Variants in MTUS2 observed in about 807,000 individuals in gnomAD.
MTUS2 encodes microtubule associated scaffold protein 2, also known as microtubule-associated tumor suppressor candidate 2.
A neutral mutation model predicts 114.1 loss-of-function variants in MTUS2; 40 were observed. That is an observed-to-expected ratio of 0.35 (90% CI 0.27 to 0.46). MTUS2 has a LOEUF of 0.46. MTUS2 is among the 20% of genes least tolerant of loss of function. The pLI is 1.00. For synonymous variants in MTUS2, 688 were observed against 672.0 expected (o/e 1.02, Z -0.37); for missense variants, 1,679 against 1,705.4 (o/e 0.98, Z 0.27).
chr13:29,253,434 A>T (rs959132290), intron 5 of MTUS2, among the ~76,000 whole-genome samples: 1 of 152,054 alleles, frequency 6.6e-6, no homozygotes. Flanking sequence ...TCAAAAAAAA[A>T]ATTAAAAATA....
At chr13:28,836,729 G>C (rs769837622) in intron 1 of MTUS2, among the ~76,000 whole-genome samples, 4 of 152,168 alleles carry the variant, frequency 2.6e-5, no homozygotes, top group Non-Finnish European at 4.4e-5. Context: ...CAACAGCACT[G>C]CCCAGGAGAT....
At chr13:29,223,894 T>C (rs1052815990) in intron 5 of MTUS2, among the ~76,000 whole-genome samples, 20 of 152,334 alleles carry the variant, frequency 1.3e-4, no homozygotes, top group Non-Finnish European at 1.9e-4. Context: ...GTGCCAGCCA[T>C]GAAAGCTGCT....
chr13:29,079,521 T>C (rs1889348388), intron 4 of MTUS2, among the ~76,000 whole-genome samples: 1 of 152,222 alleles, frequency 6.6e-6, no homozygotes. Context: ...TACCTATTTT[T>C]CCCCAAGAGT....
rs1883087543 is a variant in MTUS2 at position 29,504,202 on chromosome 13, C to T, written c.*996C>T. The T allele has an allele frequency of 1.3e-5, 3 of 232,306 alleles. No homozygotes were observed. Among genetic ancestry groups the T allele is most frequent in the Non-Finnish European group, 2.6e-5 (3 of 117,346 alleles). 14.4% of individuals were successfully genotyped at this position (232,306 alleles called of 1,614,324 possible). A position where few individuals can be genotyped will look rare whatever the true frequency, so the allele number is the denominator to read the frequency against. On this transcript the variant is annotated 3_prime_UTR_variant, in exon 16 of 16. Coordinates refer to ENST00000612955, the MANE Select transcript of MTUS2 (RefSeq NM_001033602.4). Reference sequence around the variant, plus strand: ...ATTGCTGCCAAGGTCTGTATTTTGACCAGGCACAGAGGGGGAACATCACTC... The same window carrying T: ...ATTGCTGCCAAGGTCTGTATTTTGATCAGGCACAGAGGGGGAACATCACTC...
At chr13:29,376,332 T>C (rs563664162) in intron 8 of MTUS2, among the ~76,000 whole-genome samples, 1 of 152,288 alleles carries the variant, frequency 6.6e-6, no homozygotes, top group Admixed American at 6.5e-5. Context: ...CCACTTGTGG[T>C]GGTTAGATAT....
At chr13:29,389,435 G>A (rs1872991575) in intron 8 of MTUS2, among the ~76,000 whole-genome samples, 1 of 51,892 alleles carries the variant, frequency 1.9e-5, no homozygotes, top group African/African-American at 5.4e-5. Context: ...ATACACGTGT[G>A]TGTATGTGTA....
At chr13:28,934,975 C>T (rs569067285) in intron 2 of MTUS2, among the ~76,000 whole-genome samples, 8 of 146,922 alleles carry the variant, frequency 5.4e-5, no homozygotes, top group Non-Finnish European at 1.0e-4. Flanking sequence ...CCTTTCCACC[C>T]GTAGGTGACC....
At chr13:29,306,109 G>T (rs879478878) in intron 6 of MTUS2, among the ~76,000 whole-genome samples, 1 of 152,064 alleles carries the variant, frequency 6.6e-6, no homozygotes, top group Admixed American at 6.5e-5. Flanking sequence ...AAAAACTCTC[G>T]ATAAACTAGG....
chr13:29,498,472 G>T lies in MTUS2; in HGVS notation c.3733G>T (p.Val1245Leu). 1 of 1,614,184 alleles carries T rather than the reference G, an allele frequency of 6.2e-7. No individual in the cohort carries two copies. The highest frequency in any genetic ancestry group is 2.2e-5 in the East Asian group (1 of 44,880). The change falls in exon 14 of 16, where the codon GTA becomes TTA. Residue 1245 changes from valine to leucine, a missense_variant. Coordinates refer to ENST00000612955, the MANE Select transcript of MTUS2 (RefSeq NM_001033602.4). ...AGAAGACATGAAGAGTCTGAAGCAG[G>T]TATTAGAAATGAAGAATCAGCAAAT... ...LEEDMKSLKQVLEMKNQQIHE... is the reference protein window; with the variant it reads ...LEEDMKSLKQLLEMKNQQIHE...
chr13:28,894,351 TGAGAGTGA>T (rs1296583719), intron 2 of MTUS2, among the ~76,000 whole-genome samples: 2 of 42,394 alleles, frequency 4.7e-5, no homozygotes, highest in African/African-American at 1.1e-4. Context: ...AGAGAGAGAG[TGAGAGTGA>T]GAGAGAGAGA....
chr13:29,111,339 T>C (rs1241184142), intron 5 of MTUS2, among the ~76,000 whole-genome samples: 1 of 152,144 alleles, frequency 6.6e-6, no homozygotes, highest in Non-Finnish European at 1.5e-5. Flanking sequence ...ACTGCCTTGC[T>C]TTTTTCTGTA....
At chr13:29,126,979 A>G (rs1383028564) in intron 5 of MTUS2, among the ~76,000 whole-genome samples, 1 of 152,332 alleles carries the variant, frequency 6.6e-6, no homozygotes, top group Non-Finnish European at 1.5e-5. Flanking sequence ...GTCAGTGTTC[A>G]GTGCTCTGAT....
intron 5 of MTUS2, among the ~76,000 whole-genome samples, chr13:29,279,726 A>G (rs1784081838): frequency 1.3e-5 from 2 of 152,196 alleles, no homozygotes; most frequent in African/African-American, 4.8e-5. Context: ...TAGTTCCCTG[A>G]TACTTGTACT....
chr13:29,302,603 T>A (rs527658052), intron 6 of MTUS2, among the ~76,000 whole-genome samples: 121 of 152,272 alleles, frequency 7.9e-4, no homozygotes, highest in Middle Eastern at 6.8e-3. Context: ...AACTTAAGAA[T>A]CACTAGCTTA....
At chr13:28,965,072 G>C (rs1003836359) in intron 2 of MTUS2, among the ~76,000 whole-genome samples, 1 of 152,166 alleles carries the variant, frequency 6.6e-6, no homozygotes, top group African/African-American at 2.4e-5. Flanking sequence ...ATAGTGGAGA[G>C]AGTCTCTTGT....
chr13:29,086,777 T>C (rs1889710637), intron 4 of MTUS2, among the ~76,000 whole-genome samples: 1 of 152,218 alleles, frequency 6.6e-6, no homozygotes, highest in African/African-American at 2.4e-5. Flanking sequence ...TCCATTTCTT[T>C]GTGTCATCTA....
chr13:28,932,093 CAT>C (rs1881649084), intron 2 of MTUS2, among the ~76,000 whole-genome samples: 1 of 152,162 alleles, frequency 6.6e-6, no homozygotes, highest in South Asian at 2.1e-4. Context: ...GTCAAGGAAT[CAT>C]AAGTCATTTT....
chr13:29,031,202 A>G (rs2138509484), intron 3 of MTUS2, among the ~76,000 whole-genome samples: 2 of 135,888 alleles, frequency 1.5e-5, no homozygotes, highest in South Asian at 4.6e-4. Context: ...GGGGCACTGC[A>G]TCGATTGGGG....
chr13:29,412,270 C>G (rs997948630), intron 8 of MTUS2, among the ~76,000 whole-genome samples: 3 of 152,100 alleles, frequency 2.0e-5, no homozygotes, highest in Non-Finnish European at 4.4e-5. Context: ...ACTTCATTTC[C>G]TGTTTTCTTG....
Sources: gnomAD v4.1 joint callset for allele counts (sites outside exome capture counted in the v4.1 genomes callset) on GRCh38, gnomAD v4.1.1 for gene constraint, MANE v1.5 for transcripts, NCBI Gene and HGNC (gene_info 2026-07-23, HGNC 2026-07-21) for gene names.